Variants in ASIC2 observed in about 807,000 individuals in gnomAD.
The protein encoded by ASIC2 is acid sensing ion channel subunit 2, also known as acid-sensing ion channel 2.
Under a neutral mutation model 57.3 loss-of-function variants are expected in ASIC2, and 25 were observed. The observed-to-expected ratio is 0.44, with a 90% CI of 0.32 to 0.61. The LOEUF (loss-of-function observed/expected upper bound fraction) is 0.61. Ranked by LOEUF, ASIC2 falls within the 20% of genes least tolerant of loss-of-function variation. The pLI is 0.06. For missense variants in ASIC2, 641 were observed against 738.1 expected, an observed-to-expected ratio of 0.87 and a Z score of 1.52; for synonymous variants, 319 against 307.5, an observed-to-expected ratio of 1.04 and a Z score of -0.39.
At chr17:33,310,039 T>C (rs1906343903) in intron 1 of ASIC2, among the ~76,000 whole-genome samples, 1 of 151,310 alleles carries the variant, frequency 6.6e-6, no homozygotes, top group African/African-American at 2.4e-5. Context: ...TGGTATCCTA[T>C]ATTATCAAAG....
chr17:33,665,291 G>A (rs1288641062), intron 1 of ASIC2, among the ~76,000 whole-genome samples: 1 of 151,958 alleles, frequency 6.6e-6, no homozygotes, highest in Non-Finnish European at 1.5e-5. Flanking sequence ...TACATATTTC[G>A]AGGTGTACTC....
intron 1 of ASIC2, among the ~76,000 whole-genome samples, chr17:33,782,389 C>A: frequency 6.8e-6 from 1 of 147,664 alleles, no homozygotes; most frequent in Admixed American, 6.7e-5. Flanking sequence ...TGCTCAATTT[C>A]CATTTGTTAA....
At chr17:33,872,372 C>A (rs455044) in intron 1 of ASIC2, among the ~76,000 whole-genome samples, 40,628 of 151,964 alleles carry the variant, frequency 0.27, 5,605 homozygotes, top group Middle Eastern at 0.36. Flanking sequence ...GATGGAGACA[C>A]CAAGATGGAT....
intron 1 of ASIC2, among the ~76,000 whole-genome samples, chr17:33,336,421 G>A (rs569620524): frequency 1.4e-4 from 22 of 151,800 alleles, no homozygotes; most frequent in African/African-American, 4.6e-4. Context: ...GTTTATTTTC[G>A]TTGCTGAAAT....
intron 1 of ASIC2, among the ~76,000 whole-genome samples, chr17:34,147,312 A>G (rs1035506749): frequency 2.0e-5 from 3 of 152,220 alleles, no homozygotes; most frequent in Non-Finnish European, 4.4e-5. Context: ...AGAGGTCATA[A>G]ATCCAGGCAA....
At chr17:33,590,703 C>T (rs1486634380) in intron 1 of ASIC2, among the ~76,000 whole-genome samples, 1 of 152,198 alleles carries the variant, frequency 6.6e-6, no homozygotes, top group Non-Finnish European at 1.5e-5. Context: ...CCAATCTCTC[C>T]TGACACCAAA....
chr17:33,021,142 T>C, intron 7 of ASIC2, 77 bp downstream of exon 7: 1 of 1,116,950 alleles, frequency 9.0e-7, no homozygotes, highest in Non-Finnish European at 1.3e-6. Flanking sequence ...TCTGCTTGCC[T>C]CCCATCCACC....
At chr17:33,518,285 C>T (rs574978138) in intron 1 of ASIC2, among the ~76,000 whole-genome samples, 6 of 152,278 alleles carry the variant, frequency 3.9e-5, no homozygotes, top group South Asian at 2.1e-4. Context: ...ATAGCCATGG[C>T]GTTTGAAGCC....
intron 1 of ASIC2, among the ~76,000 whole-genome samples, chr17:33,233,149 T>A (rs1041933861): frequency 6.6e-6 from 1 of 151,494 alleles, no homozygotes; most frequent in Non-Finnish European, 1.5e-5. Context: ...CCTTGGAAAT[T>A]CCTCATATAC....
intron 1 of ASIC2, among the ~76,000 whole-genome samples, chr17:33,395,629 A>C (rs758258199): frequency 3.9e-5 from 6 of 152,164 alleles, no homozygotes; most frequent in African/African-American, 9.7e-5. Context: ...GTCACTCCTC[A>C]TTCACCCGTT....
chr17:33,978,284 G>A (rs986102110), intron 1 of ASIC2, among the ~76,000 whole-genome samples: 5 of 152,194 alleles, frequency 3.3e-5, no homozygotes. Context: ...AGAGAGAGGA[G>A]CTATTTGCAT....
chr17:33,961,719 A>T (rs1228092832), intron 1 of ASIC2, among the ~76,000 whole-genome samples: 1 of 145,876 alleles, frequency 6.9e-6, no homozygotes, highest in Non-Finnish European at 1.5e-5. Flanking sequence ...CTTGCTGGGT[A>T]GCATAAGGGA....
intron 1 of ASIC2, among the ~76,000 whole-genome samples, chr17:33,125,818 C>T (rs868134470): frequency 4.6e-5 from 7 of 152,236 alleles, no homozygotes; most frequent in Non-Finnish European, 1.0e-4. Flanking sequence ...ACTGCTTTCA[C>T]ATCAGTTCAC....
chr17:33,424,887 A>T (rs2347152), intron 1 of ASIC2, among the ~76,000 whole-genome samples: 86,608 of 151,998 alleles, frequency 0.57, 24,806 homozygotes, highest in South Asian at 0.7. Flanking sequence ...AATATGCCCA[A>T]CCTGGGAGCC....
At chr17:33,467,108 A>G (rs897386737) in intron 1 of ASIC2, among the ~76,000 whole-genome samples, 2 of 152,136 alleles carry the variant, frequency 1.3e-5, no homozygotes, top group Admixed American at 1.3e-4. Flanking sequence ...GACAAAGGGT[A>G]GATTGTATTT....
At position 33,878,318 on chromosome 17, in the gene ASIC2, G is replaced by C. The variant is rs561218926; in HGVS notation, c.555+277660C>G. 2.3e-3 allele frequency among the ~76,000 whole-genome samples: 352 copies of C among 152,296 alleles called. 5 individuals are homozygous for C. The highest frequency in any genetic ancestry group is 8.1e-3 in the African/African-American group (337 of 41,566). On this transcript the variant is annotated intron_variant, in intron 1 of 9. Transcript: ENST00000359872. ...GATGATCAAACTACTCTGAGCTAAA[G>C]GAGGAAGTTCGAACCCATAGCAAAC...
At chr17:33,701,032 G>A (rs1908681363) in intron 1 of ASIC2, among the ~76,000 whole-genome samples, 1 of 152,180 alleles carries the variant, frequency 6.6e-6, no homozygotes, top group Non-Finnish European at 1.5e-5. Context: ...GAGGGAGAAA[G>A]GCATAAAGTC....
chr17:33,630,438 C>T (rs1906128296), intron 1 of ASIC2, among the ~76,000 whole-genome samples: 1 of 152,176 alleles, frequency 6.6e-6, no homozygotes, highest in African/African-American at 2.4e-5. Flanking sequence ...TTTCCTGCCC[C>T]CTTTCCCTGT....
intron 1 of ASIC2, among the ~76,000 whole-genome samples, chr17:33,752,728 G>A (rs1056787488): frequency 3.9e-5 from 6 of 152,186 alleles, no homozygotes; most frequent in Non-Finnish European, 8.8e-5. Flanking sequence ...TTAAGGAACT[G>A]CAACTTACAA....
Sources: allele counts gnomAD v4.1 joint callset (sites outside exome capture counted in the v4.1 genomes callset), GRCh38; gene constraint gnomAD v4.1.1; transcripts MANE v1.5; gene names NCBI Gene and HGNC (gene_info 2026-07-23, HGNC 2026-07-21).